The following ADGRL3 variants were observed in gnomAD, a reference collection of about 807,000 sequenced individuals.
The protein encoded by ADGRL3 is calcium-independent alpha-latrotoxin receptor 3.
ADGRL3 carries 62 observed loss-of-function variants against 153.5 expected under a neutral mutation model. The ratio of observed to expected loss-of-function variants is 0.40; its 90% CI spans 0.33 to 0.50. The LOEUF is 0.50. Ranked by LOEUF, ADGRL3 falls within the 20% of genes least tolerant of loss-of-function variation. The pLI, the probability that ADGRL3 is intolerant of heterozygous loss-of-function variation, is 0.47. For missense variants in ADGRL3, 1,641 were observed against 1,859.4 expected (o/e 0.88, Z 2.16); for synonymous variants, 710 against 672.5 (o/e 1.06, Z -0.86).
At chr4:61,932,561 G>T (rs1484530173) in intron 13 of ADGRL3, among the ~76,000 whole-genome samples, 1 of 152,072 alleles carries the variant, frequency 6.6e-6, no homozygotes, top group Non-Finnish European at 1.5e-5. Context: ...CTTAAATGCT[G>T]TTGGATTTAG....
rs1014347575 is a variant in ADGRL3, at chr4:61,911,431, G to C, written c.2074-1288G>C. ...CTCTTTTCAGTTGTTTATATAATGT[G>C]GTTTGTCATATGTTAATTTGCATGA... is the stretch of plus-strand genomic sequence containing the variant. On this transcript the variant is annotated intron_variant, in intron 12 of 26. Coordinates refer to ENST00000683033, the MANE Select transcript of ADGRL3 (RefSeq NM_001387552.1). Among the ~76,000 whole-genome samples the C allele has an allele frequency of 3.4e-4, 51 of 152,068 alleles. 2 individuals are homozygous for C.
chr4:61,880,007 T>C (rs758776774), intron 9 of ADGRL3, among the ~76,000 whole-genome samples: 1 of 152,196 alleles, frequency 6.6e-6, no homozygotes, highest in Non-Finnish European at 1.5e-5. Flanking sequence ...ATTATAGGCA[T>C]GATCCACCAT....
chr4:61,748,501 C>A (rs1280709019), intron 8 of ADGRL3, among the ~76,000 whole-genome samples: 1 of 151,874 alleles, frequency 6.6e-6, no homozygotes, highest in East Asian at 2.0e-4. Context: ...GGTACTGGTA[C>A]CAAAACAGAG....
intron 1 of ADGRL3, among the ~76,000 whole-genome samples, chr4:61,372,961 G>T (rs180733583): frequency 6.6e-6 from 1 of 152,174 alleles, no homozygotes; most frequent in South Asian, 2.1e-4. Context: ...TCGGAAAAGC[G>T]CAGTATTCGG....
At chr4:61,476,503 C>G (rs1015622541) in intron 2 of ADGRL3, among the ~76,000 whole-genome samples, 2 of 151,896 alleles carry the variant, frequency 1.3e-5, no homozygotes, top group East Asian at 3.9e-4. Context: ...GTTGGGAGTT[C>G]GAGACCAGCC....
At position 61,798,999 on chromosome 4, in the gene ADGRL3, GTATATATATATATA is replaced by G. The variant is rs34782885; in HGVS notation, c.1400-14783_1400-14770del. Among the ~76,000 whole-genome samples, 140 of 80,756 alleles carry G rather than the reference GTATATATATATATA, an allele frequency of 1.7e-3. 2 individuals are homozygous for G. Among genetic ancestry groups the G allele is most frequent in the South Asian group, 0.011 (24 of 2,144 alleles). The allele number at this position is 80,756 out of a possible 152,430, so 53.0% of individuals were successfully genotyped here. ...CATTATTATATATTATATATAAACA[GTATATATATATATA>G]TATATATATATATATATATATATAT... On this transcript the variant is annotated intron_variant, in intron 8 of 26. Coordinates refer to ENST00000683033, the MANE Select transcript of ADGRL3 (RefSeq NM_001387552.1).
chr4:61,695,878 T>C (rs1467030849), intron 6 of ADGRL3, among the ~76,000 whole-genome samples: 3 of 152,198 alleles, frequency 2.0e-5, no homozygotes, highest in Non-Finnish European at 4.4e-5. Flanking sequence ...TTTGTACTTT[T>C]ATGTTATGGA....
chr4:61,259,362 G>T (rs904051609), intron 1 of ADGRL3, among the ~76,000 whole-genome samples: 4 of 151,980 alleles, frequency 2.6e-5, no homozygotes, highest in African/African-American at 4.8e-5. Context: ...GGCGGAGTTT[G>T]CAGTGAGCCG....
chr4:61,229,058 C>T (rs1488319365), intron 1 of ADGRL3, among the ~76,000 whole-genome samples: 2 of 152,246 alleles, frequency 1.3e-5, no homozygotes, highest in East Asian at 3.9e-4. Context: ...CAGTAAATGT[C>T]CTTTTACTTG....
chr4:61,447,545 T>C (rs2097599442), intron 2 of ADGRL3, among the ~76,000 whole-genome samples: 1 of 152,192 alleles, frequency 6.6e-6, no homozygotes. Flanking sequence ...TTTGGTATAT[T>C]CAGATTTTTG....
chr4:61,336,400 G>A (rs1421884087), intron 1 of ADGRL3, among the ~76,000 whole-genome samples: 1 of 152,174 alleles, frequency 6.6e-6, no homozygotes, highest in Non-Finnish European at 1.5e-5. Context: ...CATGTTGTGG[G>A]AGTCATGCAG....
chr4:61,642,147 T>C (rs1213784174), intron 5 of ADGRL3, among the ~76,000 whole-genome samples: 1 of 149,150 alleles, frequency 6.7e-6, no homozygotes, highest in Non-Finnish European at 1.5e-5. Flanking sequence ...TGTTTTTTTC[T>C]TGTAAATTTG....
chr4:61,328,199 T>C (rs1204926134), intron 1 of ADGRL3, among the ~76,000 whole-genome samples: 1 of 152,180 alleles, frequency 6.6e-6, no homozygotes. Context: ...GTAAATTAAA[T>C]CTGTGGAGAC....
intron 9 of ADGRL3, among the ~76,000 whole-genome samples, chr4:61,885,104 C>T (rs2098530471): frequency 6.6e-6 from 1 of 151,690 alleles, no homozygotes; most frequent in Non-Finnish European, 1.5e-5. Context: ...TGGCGAAGTC[C>T]CGTCTCTACC....
intron 21 of ADGRL3, among the ~76,000 whole-genome samples, chr4:62,017,722 C>T (rs1325751082): frequency 2.0e-5 from 3 of 151,934 alleles, no homozygotes; most frequent in African/African-American, 7.2e-5. Context: ...TCAAGTTTTT[C>T]TTGAAAGAAT....
intron 8 of ADGRL3, among the ~76,000 whole-genome samples, chr4:61,749,882 T>G (rs902654314): frequency 1.3e-4 from 19 of 148,518 alleles, no homozygotes; most frequent in African/African-American, 4.9e-4. Context: ...AAAATAAGAA[T>G]AAAAATAAAG....
chr4:61,756,213 A>G (rs1199168981), intron 8 of ADGRL3, among the ~76,000 whole-genome samples: 4 of 152,106 alleles, frequency 2.6e-5, no homozygotes, highest in African/African-American at 9.7e-5. Flanking sequence ...CTTGGGCAGT[A>G]TGGCCATTTT....
chr4:61,884,618 T>G (rs1185638519), intron 9 of ADGRL3, among the ~76,000 whole-genome samples: 1 of 151,980 alleles, frequency 6.6e-6, no homozygotes, highest in Non-Finnish European at 1.5e-5. Context: ...TTTCTTTTAT[T>G]ATTTATTTAT....
chr4:61,215,152 A>G (rs1742058100), intron 1 of ADGRL3, among the ~76,000 whole-genome samples: 1 of 152,180 alleles, frequency 6.6e-6, no homozygotes, highest in African/African-American at 2.4e-5. Flanking sequence ...GTACAGACAT[A>G]TTTACGATAC....
Sources: allele counts gnomAD v4.1 joint callset (sites outside exome capture counted in the v4.1 genomes callset), GRCh38; gene constraint gnomAD v4.1.1; transcripts MANE v1.5; gene names NCBI Gene and HGNC (gene_info 2026-07-23, HGNC 2026-07-21).